KLF12: variants seen among roughly 807,000 people sequenced by gnomAD.
The protein encoded by KLF12 is Krueppel-like factor 12.
A neutral mutation model predicts 37.8 loss-of-function variants in KLF12; 9 were observed. That is an observed-to-expected ratio of 0.24 (90% CI 0.14 to 0.42). KLF12 has a LOEUF of 0.42. Among genes scored for constraint, KLF12 ranks in the 10% least tolerant of loss-of-function variants. The probability of loss-of-function intolerance (pLI) is 1.00; values close to 1 mark genes in which losing one functional copy is unlikely to be tolerated. For synonymous variants in KLF12, 208 were observed against 202.1 expected (o/e 1.03, Z -0.25); for missense variants, 411 against 516.0 (o/e 0.80, Z 1.97).
chr13:74,065,444 AT>A (rs1873858720), intron 1 of KLF12, among the ~76,000 whole-genome samples: 3 of 101,424 alleles, frequency 3.0e-5, no homozygotes, highest in Non-Finnish European at 4.2e-5. Flanking sequence ...CTGGATCTTC[AT>A]TTACCTCTAT....
chr13:74,148,507 C>A, the KLF12 span, among the ~76,000 whole-genome samples: 1 of 138,866 alleles, frequency 7.2e-6, no homozygotes, highest in Non-Finnish European at 1.5e-5. Context: ...CCACCCCGCA[C>A]TCTGCTTACT....
intron 2 of KLF12, among the ~76,000 whole-genome samples, chr13:73,968,982 T>G (rs1891250159): frequency 6.6e-6 from 1 of 151,034 alleles, no homozygotes; most frequent in Middle Eastern, 3.2e-3. Flanking sequence ...TCTAAGAAAG[T>G]TTATATTGCC....
intron 3 of KLF12, among the ~76,000 whole-genome samples, chr13:73,922,486 G>A (rs778417405): frequency 1.4e-4 from 21 of 152,148 alleles, no homozygotes; most frequent in Non-Finnish European, 2.5e-4. Flanking sequence ...AGTGTGACAT[G>A]AATCTTATGT....
chr13:74,052,354 GATA>G (rs997495813), intron 1 of KLF12, among the ~76,000 whole-genome samples: 102 of 152,184 alleles, frequency 6.7e-4, no homozygotes, highest in African/African-American at 2.4e-3. Flanking sequence ...CTACTCATTA[GATA>G]ATTCTGAGAA....
intron 1 of KLF12, among the ~76,000 whole-genome samples, chr13:74,040,345 T>C (rs1175893733): frequency 6.6e-6 from 1 of 152,210 alleles, no homozygotes; most frequent in Non-Finnish European, 1.5e-5. Flanking sequence ...AGTGTGCTCG[T>C]GCTGCTGGTC....
chr13:74,218,464 A>G, the KLF12 span, among the ~76,000 whole-genome samples: 1 of 152,154 alleles, frequency 6.6e-6, no homozygotes, highest in East Asian at 1.9e-4. Flanking sequence ...TTTGCAGGTG[A>G]AAGACATACT....
intron 1 of KLF12, among the ~76,000 whole-genome samples, chr13:74,089,734 GAA>G (rs35019675): frequency 1.9e-5 from 2 of 105,644 alleles, no homozygotes; most frequent in Admixed American, 1.1e-4. Context: ...ACCATTTATT[GAA>G]AAAAAAAAAC....
intron 6 of KLF12, among the ~76,000 whole-genome samples, chr13:73,732,810 T>G (rs1319982757): frequency 1.3e-5 from 2 of 152,090 alleles, no homozygotes; most frequent in African/African-American, 2.4e-5. Context: ...CTTCCACTTG[T>G]GTGTCAAGCA....
intron 1 of KLF12, among the ~76,000 whole-genome samples, chr13:74,018,245 G>T (rs1892751122): frequency 6.6e-6 from 1 of 152,072 alleles, no homozygotes; most frequent in African/African-American, 2.4e-5. Flanking sequence ...ACTCACATGT[G>T]GAATCTTAAA....
chr13:73,735,332 T>C (rs977377930), intron 6 of KLF12, among the ~76,000 whole-genome samples: 1 of 152,080 alleles, frequency 6.6e-6, no homozygotes, highest in Non-Finnish European at 1.5e-5. Context: ...GTTAGTAGTA[T>C]GACAAAGCAT....
Position 74,067,395 on chromosome 13 carries a change from A to C in KLF12, c.-32+66344T>G, listed in dbSNP as rs534623505. ...CAACTTAAGGAAGAGTCTAAACCTA[A>C]TTATTACATTAGATATAACAAAAGC... On this transcript the variant is annotated intron_variant, in intron 1 of 7. Coordinates refer to ENST00000377669, the MANE Select transcript of KLF12 (RefSeq NM_007249.5). Among the ~76,000 whole-genome samples, 5 of 152,344 alleles carry C rather than the reference A, an allele frequency of 3.3e-5. No homozygotes were observed. In the South Asian group the frequency reaches 1.0e-3, roughly 32 times the overall value.
intron 3 of KLF12, among the ~76,000 whole-genome samples, chr13:73,867,265 C>T (rs955741481): frequency 2.7e-5 from 4 of 150,420 alleles, no homozygotes; most frequent in African/African-American, 7.3e-5. Context: ...AAATACAAAG[C>T]AAAAGAAGGT....
At chr13:73,786,360 A>G (rs1208113642) in intron 5 of KLF12, among the ~76,000 whole-genome samples, 1 of 152,156 alleles carries the variant, frequency 6.6e-6, no homozygotes, top group African/African-American at 2.4e-5. Context: ...TTCAATAACC[A>G]TCAAGGGGGT....
chr13:74,025,565 A>G lies in KLF12; in HGVS notation c.-31-30512T>C, dbSNP rs183105953. Among the ~76,000 whole-genome samples, 946 of 125,902 alleles carry G rather than the reference A, an allele frequency of 7.5e-3. 10 individuals are homozygous for G. Among genetic ancestry groups the G allele is most frequent in the African/African-American group, 0.032 (894 of 27,632 alleles). 82.6% of individuals were successfully genotyped at this position (125,902 alleles called of 152,430 possible). On this transcript the variant is annotated intron_variant, in intron 1 of 7. Coordinates refer to ENST00000377669, the MANE Select transcript of KLF12 (RefSeq NM_007249.5). ...GGACACTTTGGTTTGTTCAGAGTTA[A>G]AAAAAAAAAAAAGAAAATCAGTGAG...
At chr13:73,789,823 T>C (rs914039565) in intron 5 of KLF12, among the ~76,000 whole-genome samples, 66 of 152,108 alleles carry the variant, frequency 4.3e-4, no homozygotes, top group Admixed American at 7.2e-4. Flanking sequence ...ACTACAGGCG[T>C]CCGCCACTAC....
chr13:73,871,288 G>A (rs567358615), intron 3 of KLF12, among the ~76,000 whole-genome samples: 42 of 152,184 alleles, frequency 2.8e-4, no homozygotes, highest in African/African-American at 8.7e-4. Context: ...GGCGTGTCCT[G>A]AAATCAATGA....
chr13:74,202,233 A>C, the KLF12 span, among the ~76,000 whole-genome samples: 2 of 152,172 alleles, frequency 1.3e-5, no homozygotes, highest in African/African-American at 4.8e-5. Context: ...AGAAAGACAC[A>C]GAGGGAGGGA....
At chr13:74,245,162 T>C in the KLF12 span, among the ~76,000 whole-genome samples, 1 of 152,174 alleles carries the variant, frequency 6.6e-6, no homozygotes, top group Non-Finnish European at 1.5e-5. Context: ...GTATTATTAT[T>C]TATTGAGACA....
At chr13:73,918,115 A>G (rs1464632851) in intron 3 of KLF12, among the ~76,000 whole-genome samples, 5 of 151,996 alleles carry the variant, frequency 3.3e-5, no homozygotes, top group African/African-American at 7.2e-5. Flanking sequence ...ACACATATCT[A>G]TGTATACAGA....
Sources: allele counts gnomAD v4.1 joint callset (sites outside exome capture counted in the v4.1 genomes callset), GRCh38; gene constraint gnomAD v4.1.1; transcripts MANE v1.5; gene names NCBI Gene and HGNC (gene_info 2026-07-23, HGNC 2026-07-21).